The following AP2A2 variants were observed in gnomAD, a reference collection of about 807,000 sequenced individuals.
The protein encoded by AP2A2 is AP-2 complex subunit alpha-2.
In AP2A2, 32 loss-of-function variants were observed where a neutral mutation model predicts 104.2. That is an observed-to-expected ratio of 0.31 (90% CI 0.23 to 0.41). The LOEUF (loss-of-function observed/expected upper bound fraction) is 0.41. AP2A2 is among the 10% of genes least tolerant of loss of function. The pLI is 1.00. For missense variants in AP2A2, 912 were observed against 1,261.0 expected (o/e 0.72, Z 4.19); for synonymous variants, 539 against 533.3 (o/e 1.01, Z -0.15).
At chr11:950,761 A>T (rs532461812) in intron 1 of AP2A2, among the ~76,000 whole-genome samples, 4 of 152,192 alleles carry the variant, frequency 2.6e-5, no homozygotes, top group Admixed American at 6.5e-5. Context: ...TAGAATATAT[A>T]AAAAACTTCA....
intron 21 of AP2A2, chr11:1,010,195 G>A (rs568831295): frequency 8.3e-6 from 4 of 482,248 alleles, no homozygotes; most frequent in South Asian, 3.2e-5. Context: ...TTCTCACCAC[G>A]TCCCGTTCTG....
chr11:1,009,848 T>A (rs575103524), intron 21 of AP2A2, 31 bp downstream of exon 21: 20 of 1,525,178 alleles, frequency 1.3e-5, no homozygotes, highest in Non-Finnish European at 1.5e-5. Flanking sequence ...TGGAACACAC[T>A]TGAGTTGCTT....
intron 2 of AP2A2, among the ~76,000 whole-genome samples, chr11:961,270 A>G (rs1190331869): frequency 7.0e-6 from 1 of 142,180 alleles, no homozygotes; most frequent in African/African-American, 2.6e-5. Flanking sequence ...GAAGCAGATG[A>G]TGTGGGTCTG....
intron 1 of AP2A2, 53 bp downstream of exon 1, chr11:926,141 G>A: frequency 1.6e-5 from 19 of 1,189,378 alleles, no homozygotes; most frequent in Non-Finnish European, 2.0e-5. Context: ...GCGGAGACGG[G>A]GTCTGGGAGC....
At chr11:953,169 GT>G (rs1854107793) in intron 1 of AP2A2, among the ~76,000 whole-genome samples, 2 of 152,284 alleles carry the variant, frequency 1.3e-5, no homozygotes, top group African/African-American at 4.8e-5. Flanking sequence ...TGTCTTTCTT[GT>G]TTTTGAGACA....
chr11:987,650 G>A (rs981758252), intron 9 of AP2A2, among the ~76,000 whole-genome samples: 11 of 151,034 alleles, frequency 7.3e-5, no homozygotes, highest in East Asian at 1.9e-4. Flanking sequence ...GCGAGACTCC[G>A]TCTCAAAAAA....
chr11:983,687 C>G (rs1855349975), intron 6 of AP2A2, among the ~76,000 whole-genome samples: 1 of 152,178 alleles, frequency 6.6e-6, no homozygotes, highest in South Asian at 2.1e-4. Flanking sequence ...CTGGCCTAGT[C>G]TCTTTTTAAA....
At chr11:943,776 A>C (rs1283680973) in intron 1 of AP2A2, among the ~76,000 whole-genome samples, 10 of 147,632 alleles carry the variant, frequency 6.8e-5, no homozygotes, top group Admixed American at 6.8e-4. Flanking sequence ...TGGCAAGAGT[A>C]AGAGAGTCCC....
At chr11:979,522 G>A (rs978950584) in intron 5 of AP2A2, among the ~76,000 whole-genome samples, 2 of 152,280 alleles carry the variant, frequency 1.3e-5, no homozygotes, top group Non-Finnish European at 2.9e-5. Flanking sequence ...CTGAGGAGCC[G>A]TGGCACAGGG....
In AP2A2 at chr11:968,430, G is replaced by T. The variant is rs1854696572; in HGVS notation, c.137-1739G>T. ...AGAGCCTGTCTCCGTCTCCGCCCCTGTTCCCATCCCCGTCTCCATCCCCGT... is the reference window on the plus strand; with the variant it reads ...AGAGCCTGTCTCCGTCTCCGCCCCTTTTCCCATCCCCGTCTCCATCCCCGT... On this transcript the variant is annotated intron_variant, in intron 2 of 21. Coordinates refer to ENST00000448903, the MANE Select transcript of AP2A2 (RefSeq NM_012305.4). This position sits in a 1 kb window ranked among gnomAD's most constrained non-coding sequence, Gnocchi z 4.2. 6.6e-6 allele frequency among the ~76,000 whole-genome samples: 1 copy of T among 150,550 alleles called. No individual in the cohort carries two copies. Among genetic ancestry groups the T allele is most frequent in the Non-Finnish European group, 1.5e-5 (1 of 67,360 alleles).
chr11:991,622 G>T (rs541282234), intron 10 of AP2A2, among the ~76,000 whole-genome samples: 4 of 152,214 alleles, frequency 2.6e-5, no homozygotes, highest in African/African-American at 9.6e-5. Flanking sequence ...AGGGCTCAGA[G>T]GCAGTACATT....
At chr11:982,167 C>T (rs1478421463) in intron 6 of AP2A2, among the ~76,000 whole-genome samples, 1 of 152,222 alleles carries the variant, frequency 6.6e-6, no homozygotes, top group African/African-American at 2.4e-5. Flanking sequence ...TCTCCTGCCT[C>T]AGCCTCCAGA....
chr11:947,715 C>T (rs796938443), intron 1 of AP2A2, among the ~76,000 whole-genome samples: 6 of 152,200 alleles, frequency 3.9e-5, no homozygotes, highest in African/African-American at 1.2e-4. Flanking sequence ...GTAATCCCAG[C>T]GCTTTTGGGA....
intron 1 of AP2A2, among the ~76,000 whole-genome samples, chr11:933,154 G>T (rs182122435): frequency 1.3e-3 from 192 of 152,252 alleles, no homozygotes; most frequent in Admixed American, 4.2e-3. Context: ...TGTAATCCCA[G>T]GTACTTGGGA....
At chr11:926,360 A>G (rs1463621176) in intron 1 of AP2A2, among the ~76,000 whole-genome samples, 1 of 19,944 alleles carries the variant, frequency 5.0e-5, no homozygotes, top group Non-Finnish European at 9.2e-5. Flanking sequence ...CAGGATGCAG[A>G]GCGGGGCCCT....
chr11:1,004,987 A>G (rs922249108), intron 16 of AP2A2, among the ~76,000 whole-genome samples: 1 of 152,220 alleles, frequency 6.6e-6, no homozygotes, highest in African/African-American at 2.4e-5. Context: ...GTCTGGGTAC[A>G]GACCCCAGAG....
At chr11:933,893 C>G (rs1214780246) in intron 1 of AP2A2, among the ~76,000 whole-genome samples, 1 of 152,110 alleles carries the variant, frequency 6.6e-6, no homozygotes, top group East Asian at 1.9e-4. Context: ...CGTTTGTTGC[C>G]TTTTGGAGCC....
intron 1 of AP2A2, among the ~76,000 whole-genome samples, chr11:943,708 G>A (rs1209137153): frequency 6.6e-6 from 1 of 151,518 alleles, no homozygotes; most frequent in Non-Finnish European, 1.5e-5. Flanking sequence ...GATGCAGGTG[G>A]CAGCGGAGAT....
In AP2A2 at chr11:1,005,139, G is replaced by A. The variant is rs115323428; in HGVS notation, c.2206+1335G>A. On this transcript the variant is annotated intron_variant, in intron 16 of 21. Coordinates refer to ENST00000448903, the MANE Select transcript of AP2A2 (RefSeq NM_012305.4). The stretch of plus-strand genomic sequence containing the variant: ...CGAAATGTGGTCTGTCGACGCAGTG[G>A]AATATTATTCAGCCATCAAACGGCA... 2.9e-3 allele frequency among the ~76,000 whole-genome samples: 437 copies of A among 152,340 alleles called. 3 individuals are homozygous for A. Among genetic ancestry groups the A allele is most frequent in the African/African-American group, 0.01 (416 of 41,568 alleles).
Sources: gnomAD v4.1 joint callset for allele counts (sites outside exome capture counted in the v4.1 genomes callset) on GRCh38, gnomAD v4.1.1 for gene constraint, Gnocchi (gnomAD v3.1) non-coding constraint, MANE v1.5 for transcripts, NCBI Gene and HGNC (gene_info 2026-07-23, HGNC 2026-07-21) for gene names.